FCHSD2: variants seen among roughly 807,000 people sequenced by gnomAD.
The protein encoded by FCHSD2 is FCH and double SH3 domains 2, also known as F-BAR and double SH3 domains protein 2.
A neutral mutation model predicts 108.1 loss-of-function variants in FCHSD2; 38 were observed. The observed-to-expected ratio is 0.35, with a 90% CI of 0.27 to 0.46. The LOEUF is 0.46. Among genes scored for constraint, FCHSD2 ranks in the 20% least tolerant of loss-of-function variants. The probability of loss-of-function intolerance (pLI) is 1.00; values close to 1 mark genes in which losing one functional copy is unlikely to be tolerated. For synonymous variants in FCHSD2, 279 were observed against 314.7 expected, an observed-to-expected ratio of 0.89 and a Z score of 1.20; for missense variants, 751 against 897.8, an observed-to-expected ratio of 0.84 and a Z score of 2.09.
intron 3 of FCHSD2, among the ~76,000 whole-genome samples, chr11:73,063,273 G>A (rs1859209305): frequency 6.6e-6 from 1 of 152,138 alleles, no homozygotes; most frequent in Non-Finnish European, 1.5e-5. Flanking sequence ...TGCCTTTGAA[G>A]GGCTCCTGAA....
At chr11:72,860,350 A>G (rs965619432) in intron 13 of FCHSD2, among the ~76,000 whole-genome samples, 1 of 152,234 alleles carries the variant, frequency 6.6e-6, no homozygotes, top group Non-Finnish European at 1.5e-5. Flanking sequence ...TTAAGAACAC[A>G]TGTAACAGTT....
At chr11:73,074,904 C>A (rs1036753635) in intron 3 of FCHSD2, among the ~76,000 whole-genome samples, 11 of 151,974 alleles carry the variant, frequency 7.2e-5, no homozygotes, top group Admixed American at 1.3e-4. Flanking sequence ...AGAGTGAGAC[C>A]CTGTCCCAAG....
intron 3 of FCHSD2, among the ~76,000 whole-genome samples, chr11:73,019,701 G>A (rs933419709): frequency 6.6e-6 from 1 of 152,092 alleles, no homozygotes; most frequent in Non-Finnish European, 1.5e-5. Context: ...TAATCTGCAT[G>A]GATGCTCAGA....
intron 8 of FCHSD2, among the ~76,000 whole-genome samples, chr11:72,973,933 C>T (rs887901790): frequency 6.6e-6 from 1 of 151,992 alleles, no homozygotes; most frequent in Non-Finnish European, 1.5e-5. Flanking sequence ...GAAATGTTTG[C>T]CAACCTCTGT....
intron 8 of FCHSD2, among the ~76,000 whole-genome samples, chr11:72,959,563 G>A (rs983521677): frequency 6.6e-6 from 1 of 152,082 alleles, no homozygotes. Flanking sequence ...GAAAGGCTCA[G>A]TCTACTCTGA....
chr11:73,051,868 AACACACACACACACACACAC>A (rs61511109), intron 3 of FCHSD2, among the ~76,000 whole-genome samples: 20 of 141,732 alleles, frequency 1.4e-4, no homozygotes, highest in Admixed American at 2.1e-4. Context: ...ACGGTATATA[AACACACACACACACACACAC>A]ACACACACAC....
intron 8 of FCHSD2, among the ~76,000 whole-genome samples, chr11:72,954,171 T>C (rs1022312879): frequency 1.3e-4 from 20 of 151,040 alleles, no homozygotes; most frequent in Non-Finnish European, 2.5e-4. Context: ...CTTAGATTAT[T>C]AGAATATTAG....
chr11:73,077,971 T>C (rs1038256420), intron 3 of FCHSD2, among the ~76,000 whole-genome samples: 2 of 152,198 alleles, frequency 1.3e-5, no homozygotes, highest in African/African-American at 4.8e-5. Flanking sequence ...AGGGCAGTAA[T>C]GGCAGGGAAC....
At chr11:72,982,071 G>C (rs1216815285) in intron 8 of FCHSD2, among the ~76,000 whole-genome samples, 2 of 152,216 alleles carry the variant, frequency 1.3e-5, no homozygotes, top group Non-Finnish European at 2.9e-5. Flanking sequence ...TGACAAAACA[G>C]TTCCTTGTCT....
rs956422578 is a variant in FCHSD2 at position 72,838,614 on chromosome 11, A to G, written c.*177T>C. On this transcript the variant is annotated 3_prime_UTR_variant, in exon 20 of 20. Coordinates refer to ENST00000409418, the MANE Select transcript of FCHSD2 (RefSeq NM_014824.3). Reference sequence around the variant, plus strand: ...CATAGAAAATGACAACAAAAAAAAAAGGCACGAAATATTCAAAACGTGGGA... The same window carrying G: ...CATAGAAAATGACAACAAAAAAAAAGGGCACGAAATATTCAAAACGTGGGA... 18 of 596,022 alleles carry G rather than the reference A, an allele frequency of 3.0e-5. No individual in the cohort carries two copies. The highest frequency in any genetic ancestry group is 3.0e-4 in the African/African-American group (16 of 53,692). The allele number at this position is 596,022 out of a possible 1,614,324, so 36.9% of individuals were successfully genotyped here. A position where few individuals can be genotyped will look rare whatever the true frequency, so the allele number is the denominator to read the frequency against.
At chr11:73,105,912 G>A (rs1293104841) in intron 2 of FCHSD2, among the ~76,000 whole-genome samples, 1 of 152,092 alleles carries the variant, frequency 6.6e-6, no homozygotes, top group African/African-American at 2.4e-5. Context: ...CAAAGTATCT[G>A]GTAAATAAGA....
In FCHSD2 at chr11:72,841,576, G is replaced by A. The variant is rs1165845178; in HGVS notation, c.1934C>T (p.Pro645Leu). 1 of 1,603,150 alleles carries A rather than the reference G, an allele frequency of 6.2e-7. No homozygotes were observed. The highest frequency in any genetic ancestry group is 8.5e-7 in the Non-Finnish European group (1 of 1,175,786). Reference sequence around the variant, plus strand: ...CAGGGAGGCGTGTGGCTTGGGGGAAGGAGAGATCTGCAGCAAAGGGAAGCG... The same window carrying A: ...CAGGGAGGCGTGTGGCTTGGGGGAAAGAGAGATCTGCAGCAAAGGGAAGCG... ...TPWMREIQIS[P>L]SPKPHASLPP... Residue 645 changes from proline to leucine, a missense_variant, in exon 18 of 20, where the codon CCT becomes CTT. By Grantham distance (98) the Pro-to-Leu change is moderately conservative. Transcript: ENST00000409418.
chr11:73,139,552 A>C (rs1861199303), intron 2 of FCHSD2, among the ~76,000 whole-genome samples: 1 of 152,216 alleles, frequency 6.6e-6, no homozygotes, highest in Admixed American at 6.5e-5. Context: ...AAAATATGAT[A>C]AACACACTTC....
chr11:72,949,478 G>GAAAGAA, intron 8 of FCHSD2, among the ~76,000 whole-genome samples: 2 of 151,152 alleles, frequency 1.3e-5, no homozygotes, highest in South Asian at 4.2e-4. Context: ...GAAAAGAAAG[G>GAAAGAA]AAAGAAAAAG....
At chr11:72,966,674 C>A (rs1856913142) in intron 8 of FCHSD2, among the ~76,000 whole-genome samples, 1 of 151,886 alleles carries the variant, frequency 6.6e-6, no homozygotes, top group South Asian at 2.1e-4. Flanking sequence ...TCCAGGGATA[C>A]AATTGTGAGC....
At chr11:72,940,690 C>T (rs1270317622) in intron 8 of FCHSD2, 8 of 1,114,236 alleles carry the variant, frequency 7.2e-6, no homozygotes, top group African/African-American at 1.5e-5. Flanking sequence ...ATATAGGATT[C>T]ATGTTCACCG....
intron 2 of FCHSD2, among the ~76,000 whole-genome samples, chr11:73,126,132 A>G (rs1860849905): frequency 6.6e-6 from 1 of 151,744 alleles, no homozygotes; most frequent in Non-Finnish European, 1.5e-5. Context: ...ACAAGGTCAG[A>G]AGTTCGAGAC....
At chr11:73,116,237 A>C (rs978693511) in intron 2 of FCHSD2, among the ~76,000 whole-genome samples, 2 of 152,194 alleles carry the variant, frequency 1.3e-5, no homozygotes, top group Non-Finnish European at 2.9e-5. Context: ...AGTTTTTATA[A>C]AAACCCAATT....
chr11:72,976,297 T>C (rs2135389891), intron 8 of FCHSD2, among the ~76,000 whole-genome samples: 1 of 152,288 alleles, frequency 6.6e-6, no homozygotes, highest in East Asian at 1.9e-4. Context: ...TTCTTTTTAT[T>C]TCCTTTTTTT....
Sources: allele counts gnomAD v4.1 joint callset (sites outside exome capture counted in the v4.1 genomes callset), GRCh38; gene constraint gnomAD v4.1.1; transcripts MANE v1.5; gene names NCBI Gene and HGNC (gene_info 2026-07-23, HGNC 2026-07-21).